Variants in DNAH1 observed in about 807,000 individuals in gnomAD.
The protein encoded by DNAH1 is axonemal beta dynein heavy chain 1.
A neutral mutation model predicts 484.3 loss-of-function variants in DNAH1; 327 were observed. That is an observed-to-expected ratio of 0.68 (90% CI 0.62 to 0.74). DNAH1 has a LOEUF of 0.74. DNAH1 is among the 30% of genes least tolerant of loss of function. The pLI, the probability that DNAH1 is intolerant of heterozygous loss-of-function variation, is 0.00. For missense variants in DNAH1, 5,052 were observed against 5,546.8 expected (o/e 0.91, Z 2.83); for synonymous variants, 2,192 against 2,191.9 (o/e 1.00, Z 0.00).
intron 60 of DNAH1, among the ~76,000 whole-genome samples, chr3:52,390,351 G>C (rs542560283): frequency 6.6e-6 from 1 of 152,318 alleles, no homozygotes. Context: ...TGTAGTCCCA[G>C]CTTCTCAGGA....
In DNAH1 at chr3:52,372,989, GC is replaced by G; in HGVS notation, c.6923del (p.Pro2308HisfsTer27). ...CGGCCCTGGAGACCTACGGTGCACA[GC>G]CACCCATCGAGCTGTTGCGCCAGTG... ...MPALETYGAQPPIELLRQWMD... is the reference protein window; with the variant it reads ...MPALETYGAQXPIELLRQWMD... On this transcript the variant is annotated frameshift_variant, in exon 44 of 78. Transcript: ENST00000420323. LOFTEE classifies it high-confidence loss of function. 6.2e-7 allele frequency: 1 copy of G among 1,613,680 alleles called. No homozygotes were observed. The highest frequency in any genetic ancestry group is 8.5e-7 in the Non-Finnish European group (1 of 1,179,840).
Position 52,346,900 on chromosome 3 carries a change from G to A in DNAH1, c.1955+130G>A, listed in dbSNP as rs549253585. 7.9e-5 allele frequency: 79 copies of A among 1,005,010 alleles called. No individual in the cohort carries two copies. In the East Asian group the frequency reaches 2.1e-3, roughly 27 times the overall value. 62.3% of individuals were successfully genotyped at this position (1,005,010 alleles called of 1,614,324 possible). A position where few individuals can be genotyped will look rare whatever the true frequency, so the allele number is the denominator to read the frequency against. ...GGTCCCAGGCAGTAAGGAGAGCCGA[G>A]CTCCCTGCAGGCTGCTGGGCAATGT... On this transcript the variant is annotated intron_variant, in intron 11 of 77. Transcript: ENST00000420323.
rs1703102068 is a variant in DNAH1 at position 52,366,897 on chromosome 3, C to T, written c.5765+10C>T. On this transcript the variant is annotated intron_variant, in intron 36 of 77. Transcript: ENST00000420323. ...TCCTCACCCATGAGTGGTGAGTGACCCCCCAGCCTCACCGGTGACCCCCTG... is the reference window on the plus strand; with the variant it reads ...TCCTCACCCATGAGTGGTGAGTGACTCCCCAGCCTCACCGGTGACCCCCTG... The T allele has an allele frequency of 1.2e-6, 2 of 1,600,644 alleles. No individual in the cohort carries two copies. The highest frequency in any genetic ancestry group is 1.7e-5 in the Admixed American group (1 of 59,580).
intron 54 of DNAH1, among the ~76,000 whole-genome samples, chr3:52,385,931 T>C (rs892987182): frequency 1.3e-5 from 2 of 152,218 alleles, no homozygotes; most frequent in Non-Finnish European, 2.9e-5. Flanking sequence ...TAGGGGGCCC[T>C]GCCTGTGGGG....
chr3:52,383,765 G>C, intron 51 of DNAH1, 95 bp from the exon 52 acceptor site: 4 of 1,452,108 alleles, frequency 2.8e-6, no homozygotes, highest in Non-Finnish European at 3.7e-6. Flanking sequence ...TGTCCTGGCT[G>C]CCATGCCACA....
intron 44 of DNAH1, chr3:52,374,504 T>C (rs957010802): frequency 8.9e-5 from 131 of 1,465,588 alleles, no homozygotes; most frequent in Non-Finnish European, 1.2e-4. Flanking sequence ...TAGATGTCAT[T>C]GAACCATCAG....
At chr3:52,348,690 T>C (rs1702244095) in intron 12 of DNAH1, among the ~76,000 whole-genome samples, 198 bp from the exon 13 acceptor site, 1 of 152,206 alleles carries the variant, frequency 6.6e-6, no homozygotes, top group Admixed American at 6.5e-5. Context: ...CGTCTGGCCT[T>C]GTAAAGAGAC....
rs184925643 is a variant in DNAH1, at chr3:52,320,919, G to C, written c.-34-1490G>C. On this transcript the variant is annotated intron_variant, in intron 1 of 77. Transcript: ENST00000420323. ...GGGTTCAAGCGATTCTCCTGCCTCA[G>C]CCTCCGGAGTAGCTAGGATTACAAG... Among the ~76,000 whole-genome samples, 3 of 149,728 alleles carry C rather than the reference G, an allele frequency of 2.0e-5. No individual in the cohort carries two copies. The Admixed American group carries it at 2.0e-4, about 10-fold the overall frequency.
At position 52,391,294 on chromosome 3, in the gene DNAH1, T is replaced by A. The variant is rs1704368852; in HGVS notation, c.9857T>A (p.Leu3286Gln). 1 of 1,612,404 alleles carries A rather than the reference T, an allele frequency of 6.2e-7. No individual in the cohort carries two copies. The highest frequency in any genetic ancestry group is 1.1e-5 in the South Asian group (1 of 90,768). Residue 3286 changes from leucine (L) to glutamine (Q), a missense_variant, in exon 62 of 78, where the codon CTA becomes CAA. Coordinates refer to ENST00000420323, the MANE Select transcript of DNAH1 (RefSeq NM_015512.5). Reference protein sequence around the residue: ...PCLLENVGEELDPALEPVLLK... With the variant: ...PCLLENVGEEQDPALEPVLLK... ...CTCCTGGAGAACGTGGGCGAGGAGCTAGACCCAGCCCTGGAGCCAGTGCTG... is the reference window on the plus strand; with the variant it reads ...CTCCTGGAGAACGTGGGCGAGGAGCAAGACCCAGCCCTGGAGCCAGTGCTG...
chr3:52,353,911 G>A lies in DNAH1; in HGVS notation c.3480+278G>A. The stretch of plus-strand genomic sequence containing the variant: ...AGCCTCAATTTAACAGATGTGTCAG[G>A]CCGGGTGCAGTGACACATGCCTGTA... On this transcript the variant is annotated intron_variant, in intron 20 of 77. Coordinates refer to ENST00000420323, the MANE Select transcript of DNAH1 (RefSeq NM_015512.5). The surrounding 1 kb of genome is among the most constrained non-coding windows in gnomAD (Gnocchi z 5.0). 1 of 432,778 alleles carries A rather than the reference G, an allele frequency of 2.3e-6. No individual in the cohort carries two copies. The highest frequency in any genetic ancestry group is 4.2e-6 in the Non-Finnish European group (1 of 235,450). The allele number at this position is 432,778 out of a possible 1,614,324, so 26.8% of individuals were successfully genotyped here.
At chr3:52,367,605 G>A (rs1373814299) in intron 36 of DNAH1, among the ~76,000 whole-genome samples, 2 of 150,300 alleles carry the variant, frequency 1.3e-5, no homozygotes, top group African/African-American at 4.9e-5. Flanking sequence ...ACGAAGTTTC[G>A]CTCTTGTTGC....
intron 39 of DNAH1, 93 bp downstream of exon 39, chr3:52,370,322 G>A: frequency 1.3e-6 from 2 of 1,523,990 alleles, no homozygotes; most frequent in African/African-American, 1.4e-5. Flanking sequence ...AATTGGATTG[G>A]TGCAACATGG....
At position 52,395,099 on chromosome 3, in the gene DNAH1, T is replaced by C; in HGVS notation, c.10968+40T>C. Reference sequence around the variant, plus strand: ...CCTGGCAGGACTGGCACCTTGAGCTTGTCCCCACCCTGGGTCCCAGGGCCC... The same window carrying C: ...CCTGGCAGGACTGGCACCTTGAGCTCGTCCCCACCCTGGGTCCCAGGGCCC... On this transcript the variant is annotated intron_variant, in intron 68 of 77. Transcript: ENST00000420323. The surrounding 1 kb of genome is among the most constrained non-coding windows in gnomAD (Gnocchi z 4.4). 1 of 1,585,258 alleles carries C rather than the reference T, an allele frequency of 6.3e-7. No individual in the cohort carries two copies.
At chr3:52,333,720 G>A (rs1701636978) in intron 8 of DNAH1, among the ~76,000 whole-genome samples, 1 of 152,070 alleles carries the variant, frequency 6.6e-6, no homozygotes, top group South Asian at 2.1e-4. Flanking sequence ...GTGTGAAAGT[G>A]ATATGCATTC....
At chr3:52,383,728 C>A in intron 51 of DNAH1, 132 bp from the exon 52 acceptor site, 1 of 1,401,174 alleles carries the variant, frequency 7.1e-7, no homozygotes, top group Non-Finnish European at 9.5e-7. Flanking sequence ...GCCATCATGC[C>A]ATTGGGCCCA....
Position 52,384,812 on chromosome 3 carries a change from G to T in DNAH1, c.8349G>T (p.Gln2783His), listed in dbSNP as rs1345601650. ...GLIQVCVYIH[Q>H]SVSKKCIEYL... ...TCCAGGTCTGTGTGTACATCCACCA[G>T]TCGGTGTCCAAGAAGTGCATCGAGT... Residue 2783 changes from glutamine to histidine, a missense_variant, in exon 53 of 78, where the codon CAG becomes CAT. Physicochemically the swap from Gln to His is conservative, Grantham distance 24 (BLOSUM62 0). Transcript: ENST00000420323. 6 of 1,606,510 alleles carry T rather than the reference G, an allele frequency of 3.7e-6. No individual in the cohort carries two copies. Among genetic ancestry groups the T allele is most frequent in the Non-Finnish European group, 5.1e-6 (6 of 1,176,402 alleles).
intron 35 of DNAH1, 42 bp downstream of exon 35, chr3:52,366,590 G>A (rs748504140): frequency 1.9e-5 from 29 of 1,564,784 alleles, no homozygotes; most frequent in African/African-American, 5.4e-5. Context: ...CGGATAGTGG[G>A]CCTGTAGGGG....
At chr3:52,348,786 C>A in intron 12 of DNAH1, 102 bp from the exon 13 acceptor site, 1 of 1,292,328 alleles carries the variant, frequency 7.7e-7, no homozygotes, top group South Asian at 1.3e-5. Flanking sequence ...CCACATCCTG[C>A]CCCTGCTTGC....
chr3:52,327,761 C>A (rs970986241), intron 5 of DNAH1, 121 bp from the exon 6 acceptor site: 36 of 1,208,498 alleles, frequency 3.0e-5, no homozygotes, highest in Non-Finnish European at 3.1e-5. Context: ...CCAGTGCCAC[C>A]TTGCAGCTCT....
Sources: allele counts gnomAD v4.1 joint callset (sites outside exome capture counted in the v4.1 genomes callset), GRCh38; gene constraint gnomAD v4.1.1; non-coding constraint Gnocchi (gnomAD v3.1); transcripts MANE v1.5; gene names NCBI Gene and HGNC (gene_info 2026-07-23, HGNC 2026-07-21).